FAT3: variants seen among roughly 807,000 people sequenced by gnomAD.
FAT3 encodes protocadherin Fat 3.
FAT3 carries 95 observed loss-of-function variants against 310.2 expected under a neutral mutation model. The ratio of observed to expected loss-of-function variants is 0.31; its 90% CI spans 0.26 to 0.36. FAT3 has a LOEUF of 0.36. Among genes scored for constraint, FAT3 ranks in the 10% least tolerant of loss-of-function variants. FAT3 has a pLI of 1.00. For synonymous variants in FAT3, 2,314 were observed against 2,192.9 expected, an observed-to-expected ratio of 1.06 and a Z score of -1.54; for missense variants, 5,408 against 5,715.6, an observed-to-expected ratio of 0.95 and a Z score of 1.74.
intron 3 of FAT3, among the ~76,000 whole-genome samples, chr11:92,526,264 T>C (rs1216246657): frequency 6.6e-6 from 1 of 152,144 alleles, no homozygotes; most frequent in Non-Finnish European, 1.5e-5. Flanking sequence ...AAGAGCTCCT[T>C]AGAACATAGC....
intron 2 of FAT3, among the ~76,000 whole-genome samples, chr11:92,469,943 A>G (rs770261887): frequency 6.6e-6 from 1 of 152,224 alleles, no homozygotes; most frequent in Non-Finnish European, 1.5e-5. Context: ...ACATGTTGTA[A>G]CAGTTAAATA....
At chr11:92,716,056 G>A (rs1052672001) in intron 4 of FAT3, among the ~76,000 whole-genome samples, 2 of 152,184 alleles carry the variant, frequency 1.3e-5, no homozygotes, top group Admixed American at 6.5e-5. Flanking sequence ...GTTTATCTGG[G>A]AAAAGAGGAC....
chr11:92,747,713 C>T (rs1282071253), intron 4 of FAT3, among the ~76,000 whole-genome samples: 1 of 152,176 alleles, frequency 6.6e-6, no homozygotes, highest in Non-Finnish European at 1.5e-5. Flanking sequence ...CTTCCAGATG[C>T]CCTAAATCAC....
In FAT3 at chr11:92,889,896, CTG is replaced by C. The variant is rs1296362466; in HGVS notation, c.13147+8_13147+9del. 5 of 718,116 alleles carry C rather than the reference CTG, an allele frequency of 7.0e-6. No homozygotes were observed. The highest frequency in any genetic ancestry group is 7.8e-6 in the Non-Finnish European group (3 of 385,230). 44.5% of individuals were successfully genotyped at this position (718,116 alleles called of 1,614,324 possible). A position where few individuals can be genotyped will look rare whatever the true frequency, so the allele number is the denominator to read the frequency against. ...AAGGACAGAACTACAACCGAGGTGA[CTG>C]TGCCGCAACCCTAGCATAACTTTTT... On this transcript the variant is annotated splice_donor_region_variant and intron_variant, in intron 27 of 27. Transcript: ENST00000525166.
At chr11:92,724,816 TAC>T (rs1431004288) in intron 4 of FAT3, among the ~76,000 whole-genome samples, 1 of 152,204 alleles carries the variant, frequency 6.6e-6, no homozygotes, top group Non-Finnish European at 1.5e-5. Flanking sequence ...TTTCCTAAAG[TAC>T]ACACCATTAA....
At chr11:92,852,913 A>G (rs1452295914) in intron 19 of FAT3, among the ~76,000 whole-genome samples, 1 of 152,214 alleles carries the variant, frequency 6.6e-6, no homozygotes, top group Non-Finnish European at 1.5e-5. Flanking sequence ...TTAATCTAAA[A>G]CAGGAGATAT....
chr11:92,705,027 A>G (rs907355308), intron 4 of FAT3, among the ~76,000 whole-genome samples: 2 of 152,200 alleles, frequency 1.3e-5, no homozygotes, highest in Non-Finnish European at 2.9e-5. Flanking sequence ...CTTGTGGCAT[A>G]CATGGGTTCC....
intron 19 of FAT3, among the ~76,000 whole-genome samples, chr11:92,848,278 G>A (rs560590734): frequency 4.6e-5 from 7 of 152,268 alleles, no homozygotes; most frequent in Admixed American, 2.6e-4. Flanking sequence ...AAGCTTATTA[G>A]ACTCCAGCTA....
chr11:92,461,166 A>G (rs1486039727), intron 2 of FAT3, among the ~76,000 whole-genome samples: 2 of 152,202 alleles, frequency 1.3e-5, no homozygotes, highest in African/African-American at 4.8e-5. Flanking sequence ...TCTTTGGGCA[A>G]CCACTTAAAC....
chr11:92,828,524 G>A (rs1215293405), intron 13 of FAT3, among the ~76,000 whole-genome samples: 1 of 152,074 alleles, frequency 6.6e-6, no homozygotes, highest in Non-Finnish European at 1.5e-5. Flanking sequence ...AGAAAGAAGA[G>A]AGGAACAATA....
chr11:92,417,579 T>A (rs539660056), intron 2 of FAT3, among the ~76,000 whole-genome samples: 1 of 152,254 alleles, frequency 6.6e-6, no homozygotes, highest in South Asian at 2.1e-4. Context: ...CAGGGAAATC[T>A]TCAGAGGGGA....
At chr11:92,577,880 G>A (rs1196624003) in intron 3 of FAT3, among the ~76,000 whole-genome samples, 2 of 151,710 alleles carry the variant, frequency 1.3e-5, no homozygotes, top group Non-Finnish European at 2.9e-5. Context: ...ATTATGCCTT[G>A]TGGGAAAAAA....
chr11:92,472,652 G>A (rs1052224144), intron 2 of FAT3, among the ~76,000 whole-genome samples: 1 of 152,136 alleles, frequency 6.6e-6, no homozygotes, highest in Non-Finnish European at 1.5e-5. Flanking sequence ...TAAGTACAAT[G>A]GAATATTCTA....
intron 4 of FAT3, among the ~76,000 whole-genome samples, chr11:92,714,619 C>A (rs1282489463): frequency 1.3e-5 from 2 of 152,174 alleles, no homozygotes; most frequent in Non-Finnish European, 2.9e-5. Flanking sequence ...GGAACAAGTT[C>A]TTCATCAGAA....
Position 92,798,236 on chromosome 11 carries a change from T to C in FAT3, c.5223T>C (p.Ile1741=). 1 of 1,613,922 alleles carries C rather than the reference T, an allele frequency of 6.2e-7. No homozygotes were observed. The highest frequency in any genetic ancestry group is 1.7e-4 in the Middle Eastern group (1 of 6,060). Residue 1741 remains isoleucine, a synonymous_variant, in exon 10 of 28, where the codon ATT becomes ATC. Transcript: ENST00000525166. ...GCACATCCTCTTATCAACTCATCAT[T>C]CAGGCCACCAATATGGCAGGAATGG... is the stretch of plus-strand genomic sequence containing the variant. ...YERTSSYQLI[I]QATNMAGMAS...
chr11:92,799,528 T>G lies in FAT3; in HGVS notation c.6515T>G (p.Val2172Gly). 6.2e-7 allele frequency: 1 copy of G among 1,613,794 alleles called. No homozygotes were observed. The highest frequency in any genetic ancestry group is 8.5e-7 in the Non-Finnish European group (1 of 1,179,834). ...DGGKPSLSTS[V>G]ELPITIVNKA... ...GGAAAACCTTCTTTGTCTACATCTG[T>G]GGAGCTTCCCATCACTATTGTCAAC... The change falls in exon 10 of 28, where the codon GTG (valine) becomes GGG (glycine). Residue 2172 changes from valine to glycine, a missense_variant. Around this residue, in one of 5 missense-constraint regions of FAT3, gnomAD observed 4,588 missense variants for 4,809.8 expected, o/e 0.95. Coordinates refer to ENST00000525166, the MANE Select transcript of FAT3 (RefSeq NM_001367949.2).
At position 92,890,786 on chromosome 11, in the gene FAT3, C is replaced by G. The variant is rs2136446594; in HGVS notation, c.13443C>G (p.Asp4481Glu). ...PVSLASTLSP[D>E]CRRRPQFHPS... is the part of the protein sequence containing the mutation. ...CCCTGGCCAGCACACTGAGCCCAGA[C>G]TGCAGGAGAAGGCCCCAGTTTCATC... Residue 4481 changes from aspartate (D) to glutamate (E), a missense_variant, in exon 28 of 28, where the codon GAC becomes GAG. This residue lies in a region of FAT3 where 649 missense variants were observed against 666.2 expected (regional missense o/e 0.97). Coordinates refer to ENST00000525166, the MANE Select transcript of FAT3 (RefSeq NM_001367949.2). 1.9e-6 allele frequency: 3 copies of G among 1,613,932 alleles called. No homozygotes were observed. Among genetic ancestry groups the G allele is most frequent in the Non-Finnish European group, 2.5e-6 (3 of 1,179,882 alleles).
chr11:92,294,548 G>T (rs758984781), intron 1 of FAT3, among the ~76,000 whole-genome samples: 2 of 152,062 alleles, frequency 1.3e-5, no homozygotes, highest in Non-Finnish European at 2.9e-5. Context: ...ATTGGGAAGT[G>T]ATTTGTGAGC....
At chr11:92,574,438 T>C (rs627673) in intron 3 of FAT3, among the ~76,000 whole-genome samples, 112,689 of 151,944 alleles carry the variant, frequency 0.74, 44,059 homozygotes, top group Non-Finnish European at 0.88. Flanking sequence ...CTGTGTCTTG[T>C]GTGGCCTCTG....
Sources: allele counts gnomAD v4.1 joint callset (sites outside exome capture counted in the v4.1 genomes callset), GRCh38; gene constraint gnomAD v4.1.1; regional missense constraint gnomAD v4.1.1; transcripts MANE v1.5; gene names NCBI Gene and HGNC (gene_info 2026-07-23, HGNC 2026-07-21).